Variants in ANK3 observed in about 807,000 individuals in gnomAD.
The protein encoded by ANK3 is ankyrin-3.
In ANK3, 57 loss-of-function variants were observed where a neutral mutation model predicts 370.9. The observed-to-expected ratio is 0.15, with a 90% CI of 0.12 to 0.19. ANK3 has a LOEUF of 0.19. Among genes scored for constraint, ANK3 ranks in the 10% least tolerant of loss-of-function variants. ANK3 has a pLI of 1.00. For synonymous variants in ANK3, 1,929 were observed against 1,946.3 expected, an observed-to-expected ratio of 0.99 and a Z score of 0.23; for missense variants, 4,439 against 5,302.1, an observed-to-expected ratio of 0.84 and a Z score of 5.06.
intron 11 of ANK3, among the ~76,000 whole-genome samples, chr10:60,204,813 C>T (rs2096736314): frequency 6.6e-6 from 1 of 152,014 alleles, no homozygotes; most frequent in Admixed American, 6.6e-5. Context: ...TGGAAATATG[C>T]ACACGATGAG....
chr10:60,348,369 A>C (rs75071796), intron 1 of ANK3, among the ~76,000 whole-genome samples: 86,894 of 128,032 alleles, frequency 0.68, 31,062 homozygotes, highest in South Asian at 0.9. Context: ...AAAAAAAAAA[A>C]ACACAAAAAA....
intron 2 of ANK3, among the ~76,000 whole-genome samples, chr10:60,562,127 A>T (rs2077349362): frequency 6.6e-6 from 1 of 152,190 alleles, no homozygotes; most frequent in Non-Finnish European, 1.5e-5. Flanking sequence ...ATTTTAAAAC[A>T]CCCACTTGGT....
At chr10:60,641,172 G>A (rs1262041772) in intron 1 of ANK3, among the ~76,000 whole-genome samples, 2 of 149,016 alleles carry the variant, frequency 1.3e-5, no homozygotes, top group African/African-American at 4.9e-5. Context: ...TCATGGATAG[G>A]AAGAATCAAT....
At chr10:60,384,262 T>A (rs193061816) in intron 1 of ANK3, among the ~76,000 whole-genome samples, 3 of 152,284 alleles carry the variant, frequency 2.0e-5, no homozygotes, top group Admixed American at 2.0e-4. Context: ...GAAATCCTTG[T>A]GTTGGTAATT....
chr10:60,538,616 C>G (rs1371236205), intron 2 of ANK3, among the ~76,000 whole-genome samples: 2 of 151,954 alleles, frequency 1.3e-5, no homozygotes, highest in Non-Finnish European at 1.5e-5. Context: ...GAAATCCACT[C>G]GACACTAGGC....
chr10:60,116,581 T>C (rs1391893255), intron 25 of ANK3, among the ~76,000 whole-genome samples: 2 of 133,004 alleles, frequency 1.5e-5, no homozygotes, highest in Admixed American at 8.4e-5. Context: ...TATGAAACAA[T>C]AGACTACTTA....
chr10:60,072,055 G>T lies in ANK3; in HGVS notation c.8826C>A (p.Gly2942=). The T allele has an allele frequency of 6.2e-7, 1 of 1,614,048 alleles. No homozygotes were observed. The highest frequency in any genetic ancestry group is 1.1e-5 in the South Asian group (1 of 91,080). ...TCCTGGAAGGCTGATCAAGCAATCC[G>T]CCTGGATGGTCCCCTTCTTTCACAA... ...EYVVKEGDHP[G]GLLDQPSRRS... is the part of the protein sequence containing the mutation. Residue 2942 remains glycine (G), a synonymous_variant, in exon 37 of 44, where the codon GGC becomes GGA. Transcript: ENST00000280772.
At chr10:60,519,663 C>T (rs987301759) in intron 2 of ANK3, among the ~76,000 whole-genome samples, 5 of 152,084 alleles carry the variant, frequency 3.3e-5, no homozygotes, top group African/African-American at 1.2e-4. Context: ...AATAAGTCAA[C>T]AAATGTATAT....
intron 18 of ANK3, among the ~76,000 whole-genome samples, chr10:60,181,016 C>A (rs2096162752): frequency 6.6e-6 from 1 of 152,086 alleles, no homozygotes; most frequent in Non-Finnish European, 1.5e-5. Context: ...ACATCCATCA[C>A]AAAAACTAAG....
intron 1 of ANK3, among the ~76,000 whole-genome samples, chr10:60,310,015 T>C (rs910763495): frequency 4.6e-5 from 7 of 150,744 alleles, no homozygotes; most frequent in South Asian, 2.1e-4. Context: ...AACCTCAAAC[T>C]CTTGGACTCA....
chr10:60,627,018 C>T (rs1476443673), intron 1 of ANK3, among the ~76,000 whole-genome samples: 1 of 151,886 alleles, frequency 6.6e-6, no homozygotes, highest in Admixed American at 6.6e-5. Flanking sequence ...GAGAACAGAG[C>T]CTTGGGATTT....
At chr10:60,684,567 C>T in intron 1 of ANK3, 1 of 1,587,212 alleles carries the variant, frequency 6.3e-7, no homozygotes, top group Non-Finnish European at 8.6e-7. Context: ...TTCAATCCTT[C>T]CACATTGTTA....
At chr10:60,504,709 T>C (rs1178018147) in intron 2 of ANK3, among the ~76,000 whole-genome samples, 1 of 152,070 alleles carries the variant, frequency 6.6e-6, no homozygotes, top group East Asian at 1.9e-4. Context: ...AATTAAAAAA[T>C]ACAACTAGGA....
At chr10:60,422,354 C>T (rs544054382) in intron 2 of ANK3, among the ~76,000 whole-genome samples, 1 of 152,208 alleles carries the variant, frequency 6.6e-6, no homozygotes, top group Admixed American at 6.5e-5. Flanking sequence ...TTCTGCTTCA[C>T]ATGTTATTAG....
At chr10:60,401,594 T>C (rs185248115) in intron 2 of ANK3, among the ~76,000 whole-genome samples, 22 of 152,324 alleles carry the variant, frequency 1.4e-4, no homozygotes. Flanking sequence ...ACCAAGAATA[T>C]AATCATTCAA....
chr10:60,090,003 T>C (rs891828978), intron 28 of ANK3, among the ~76,000 whole-genome samples: 4 of 152,090 alleles, frequency 2.6e-5, no homozygotes, highest in African/African-American at 9.7e-5. Flanking sequence ...AAAAATTACA[T>C]TTGCTTAGGA....
chr10:60,311,012 AG>A (rs2046224949), intron 1 of ANK3, among the ~76,000 whole-genome samples: 1 of 152,166 alleles, frequency 6.6e-6, no homozygotes, highest in African/African-American at 2.4e-5. Flanking sequence ...CAAAGGATGA[AG>A]GGGGATTGGG....
At chr10:60,409,317 T>C (rs2063513634) in intron 2 of ANK3, among the ~76,000 whole-genome samples, 1 of 152,176 alleles carries the variant, frequency 6.6e-6, no homozygotes, top group South Asian at 2.1e-4. Flanking sequence ...TAATTTCACC[T>C]TTCCCACCAA....
chr10:60,367,599 G>A (rs1249735826), intron 1 of ANK3, among the ~76,000 whole-genome samples: 2 of 152,140 alleles, frequency 1.3e-5, no homozygotes, highest in Non-Finnish European at 2.9e-5. Flanking sequence ...CTTGCCTCTG[G>A]GGTGATCATC....
Sources: allele counts gnomAD v4.1 joint callset (sites outside exome capture counted in the v4.1 genomes callset), GRCh38; gene constraint gnomAD v4.1.1; transcripts MANE v1.5; gene names NCBI Gene and HGNC (gene_info 2026-07-23, HGNC 2026-07-21).